Variants in LGR6 observed in about 807,000 individuals in gnomAD.
LGR6 encodes leucine-rich repeat-containing G protein-coupled receptor 6.
Under a neutral mutation model 69.4 loss-of-function variants are expected in LGR6, and 45 were observed. The ratio of observed to expected loss-of-function variants is 0.65; its 90% CI spans 0.51 to 0.83. The LOEUF (loss-of-function observed/expected upper bound fraction) is 0.83. Ranked by LOEUF, LGR6 falls within the 40% of genes least tolerant of loss-of-function variation. LGR6 has a pLI of 0.00. For missense variants in LGR6, 1,108 were observed against 1,246.7 expected, an observed-to-expected ratio of 0.89 and a Z score of 1.68; for synonymous variants, 538 against 555.0, an observed-to-expected ratio of 0.97 and a Z score of 0.43.
chr1:202,253,467 T>C (rs1319434220), intron 4 of LGR6, among the ~76,000 whole-genome samples: 1 of 150,608 alleles, frequency 6.6e-6, no homozygotes, highest in Non-Finnish European at 1.5e-5. Context: ...CATGCCTGGC[T>C]AATTTTTTGT....
chr1:202,220,046 T>G (rs978605326), intron 1 of LGR6, among the ~76,000 whole-genome samples: 4 of 151,706 alleles, frequency 2.6e-5, no homozygotes, highest in Admixed American at 2.6e-4. Flanking sequence ...ACCTGGCTAT[T>G]TTTTTGTATT....
intron 1 of LGR6, among the ~76,000 whole-genome samples, chr1:202,208,169 C>T (rs1209126918): frequency 6.6e-6 from 1 of 152,128 alleles, no homozygotes; most frequent in Non-Finnish European, 1.5e-5. Context: ...CGTCGCAACC[C>T]TCCTGACTCC....
At chr1:202,276,556 T>A (rs1163111506) in intron 5 of LGR6, 35 bp downstream of exon 5, 1 of 1,522,372 alleles carries the variant, frequency 6.6e-7, no homozygotes, top group Admixed American at 1.7e-5. Flanking sequence ...CCCAGTGGGG[T>A]CCTGCTGGGG....
chr1:202,286,437 A>G (rs1229170036), intron 6 of LGR6, among the ~76,000 whole-genome samples: 3 of 152,196 alleles, frequency 2.0e-5, no homozygotes, highest in African/African-American at 7.2e-5. Context: ...TTATCCCCCA[A>G]TCACTTGTTG....
In LGR6 at chr1:202,304,606, A is replaced by G; in HGVS notation, c.1046A>G (p.Gln349Arg). ...GIRLLPSGMC[Q>R]QLPRLRVLEL... ...CGGCTGCTCCCATCGGGGATGTGCC[A>G]ACAGCTGCCCAGGCTCCGAGTCCTG... Residue 349 changes from glutamine to arginine, a missense_variant, in exon 11 of 18, where the codon CAA becomes CGA. Coordinates refer to ENST00000367278, the MANE Select transcript of LGR6 (RefSeq NM_001017403.2). 1 of 1,611,006 alleles carries G rather than the reference A, an allele frequency of 6.2e-7. No homozygotes were observed.
intron 4 of LGR6, among the ~76,000 whole-genome samples, chr1:202,247,501 C>T (rs1310411898): frequency 6.6e-6 from 1 of 152,162 alleles, no homozygotes; most frequent in Non-Finnish European, 1.5e-5. Context: ...ACCCTTAGAA[C>T]CGCTTTTTTG....
chr1:202,314,977 G>A (rs1654036084), intron 17 of LGR6, 95 bp downstream of exon 17: 1 of 882,510 alleles, frequency 1.1e-6, no homozygotes, highest in South Asian at 1.4e-5. Context: ...CATGTCTGCA[G>A]CCACATTCTT....
At chr1:202,298,822 G>C (rs1375935138) in intron 7 of LGR6, 1 of 152,102 alleles carries the variant, frequency 6.6e-6, no homozygotes, top group African/African-American at 2.4e-5. Flanking sequence ...CGCCCGGCCA[G>C]CTTAGTATCT....
At chr1:202,251,779 C>G (rs1663268143) in intron 4 of LGR6, among the ~76,000 whole-genome samples, 1 of 152,174 alleles carries the variant, frequency 6.6e-6, no homozygotes, top group Non-Finnish European at 1.5e-5. Flanking sequence ...CCTGAAGGGC[C>G]TTAGAGTAAA....
At chr1:202,241,760 A>C (rs1281458748) in intron 4 of LGR6, among the ~76,000 whole-genome samples, 1 of 152,096 alleles carries the variant, frequency 6.6e-6, no homozygotes, top group Non-Finnish European at 1.5e-5. Context: ...GGCTGGTCCC[A>C]GGAGAAGAGT....
At position 202,276,428 on chromosome 1, in the gene LGR6, A is replaced by G; in HGVS notation, c.551A>G (p.Asn184Ser). The change falls in exon 5 of 18, where the codon AAC becomes AGC. Residue 184 changes from asparagine (N) to serine (S), a missense_variant. By Grantham distance (46) the Asn-to-Ser change is conservative (BLOSUM62 1). Coordinates refer to ENST00000367278, the MANE Select transcript of LGR6 (RefSeq NM_001017403.2). ...LTEIPVRALN[N>S]LPALQAMTLA... ...GAGATCCCTGTCAGGGCCCTCAACAACCTCCCTGCCCTGCAGGCCATGACC... is the reference window on the plus strand; with the variant it reads ...GAGATCCCTGTCAGGGCCCTCAACAGCCTCCCTGCCCTGCAGGCCATGACC... 6.2e-7 allele frequency: 1 copy of G among 1,613,812 alleles called. No individual in the cohort carries two copies. The highest frequency in any genetic ancestry group is 8.5e-7 in the Non-Finnish European group (1 of 1,179,930).
intron 4 of LGR6, among the ~76,000 whole-genome samples, chr1:202,273,827 T>G (rs1468623955): frequency 6.6e-6 from 1 of 152,090 alleles, no homozygotes; most frequent in African/African-American, 2.4e-5. Flanking sequence ...CTGCATTCTC[T>G]TCCCTCAAGG....
chr1:202,216,182 C>T (rs1425942312), intron 1 of LGR6, among the ~76,000 whole-genome samples: 2 of 152,174 alleles, frequency 1.3e-5, no homozygotes, highest in East Asian at 3.8e-4. Flanking sequence ...AGGCTTCTTG[C>T]AGGAGGAGGT....
intron 4 of LGR6, among the ~76,000 whole-genome samples, chr1:202,255,299 C>T (rs1663672064): frequency 6.6e-6 from 1 of 152,200 alleles, no homozygotes; most frequent in Admixed American, 6.5e-5. Flanking sequence ...GTTAGGAGAT[C>T]ACTTCAGGAG....
At chr1:202,308,546 T>C (rs990628971) in intron 14 of LGR6, among the ~76,000 whole-genome samples, 1 of 152,172 alleles carries the variant, frequency 6.6e-6, no homozygotes, top group African/African-American at 2.4e-5. Context: ...CCCTACAAGA[T>C]GGAATGGATG....
rs768071935 is a variant in LGR6, at chr1:202,304,637, G to C, written c.1070+7G>C. 6.2e-7 allele frequency: 1 copy of C among 1,603,762 alleles called. No individual in the cohort carries two copies. On this transcript the variant is annotated splice_region_variant and intron_variant, in intron 11 of 17. Transcript: ENST00000367278. Reference sequence around the variant, plus strand: ...TGCCCAGGCTCCGAGTCCTGTGAGTGCTCACAAGAATTCTACAGTCTTGGC... The same window carrying C: ...TGCCCAGGCTCCGAGTCCTGTGAGTCCTCACAAGAATTCTACAGTCTTGGC...
chr1:202,259,648 T>C (rs1664059362), intron 4 of LGR6, among the ~76,000 whole-genome samples: 1 of 152,176 alleles, frequency 6.6e-6, no homozygotes, highest in Non-Finnish European at 1.5e-5. Context: ...TAATTGATGT[T>C]TCCATTGTTC....
At chr1:202,196,476 G>C (rs1224734609) in intron 1 of LGR6, among the ~76,000 whole-genome samples, 2 of 152,144 alleles carry the variant, frequency 1.3e-5, no homozygotes, top group East Asian at 3.9e-4. Context: ...GGAGAGCACA[G>C]ATTCGCATCT....
chr1:202,306,677 G>A, intron 12 of LGR6, 191 bp from the exon 13 acceptor site: 1 of 651,040 alleles, frequency 1.5e-6, no homozygotes, highest in Admixed American at 2.7e-5. Flanking sequence ...TTTGTCTCCT[G>A]ACCCACTTAC....
Sources: allele counts gnomAD v4.1 joint callset (sites outside exome capture counted in the v4.1 genomes callset), GRCh38; gene constraint gnomAD v4.1.1; transcripts MANE v1.5; gene names NCBI Gene and HGNC (gene_info 2026-07-23, HGNC 2026-07-21).